Variants in RGS6 observed in about 807,000 individuals in gnomAD.
The protein encoded by RGS6 is regulator of G protein signaling 6.
A neutral mutation model predicts 78.5 loss-of-function variants in RGS6; 30 were observed. The observed-to-expected ratio is 0.38, with a 90% CI of 0.29 to 0.52. The LOEUF (loss-of-function observed/expected upper bound fraction) is 0.52. RGS6 is among the 20% of genes least tolerant of loss of function. RGS6 has a pLI of 0.85. For synonymous variants in RGS6, 206 were observed against 206.0 expected (o/e 1.00, Z 0.00); for missense variants, 495 against 609.7 (o/e 0.81, Z 1.98).
intron 2 of RGS6, among the ~76,000 whole-genome samples, chr14:72,320,035 G>A (rs942753386): frequency 1.4e-4 from 22 of 152,004 alleles, no homozygotes; most frequent in African/African-American, 5.3e-4. Flanking sequence ...GAATGATTTG[G>A]TCACACCAGC....
chr14:72,142,227 A>G (rs1448412789), intron 2 of RGS6, among the ~76,000 whole-genome samples: 1 of 152,136 alleles, frequency 6.6e-6, no homozygotes, highest in African/African-American at 2.4e-5. Flanking sequence ...ACTGTAATTA[A>G]TGGGCACACC....
chr14:72,488,064 C>G (rs2239276), intron 12 of RGS6, among the ~76,000 whole-genome samples: 22,085 of 152,210 alleles, frequency 0.15, 1,670 homozygotes, highest in Admixed American at 0.19. Context: ...GTATGCCCAT[C>G]TAATTTTACT....
At chr14:72,499,797 G>T (rs2096697571) in intron 13 of RGS6, among the ~76,000 whole-genome samples, 1 of 152,014 alleles carries the variant, frequency 6.6e-6, no homozygotes, top group Admixed American at 6.6e-5. Flanking sequence ...CAGCACTGGT[G>T]TCCCTTCCTC....
At chr14:72,083,486 C>A (rs117523334) in intron 2 of RGS6, among the ~76,000 whole-genome samples, 1 of 152,196 alleles carries the variant, frequency 6.6e-6, no homozygotes, top group East Asian at 1.9e-4. Flanking sequence ...TCTCACCCTT[C>A]AGGGCCAAGG....
At position 72,267,032 on chromosome 14, in the gene RGS6, T is replaced by C. The variant is rs190430951; in HGVS notation, c.85-85063T>C. ...TTTGTTTGTTTGTGAGGCAGAGTCT[T>C]GCTCTGTTGCCCAGGCTGGAATGCA... On this transcript the variant is annotated intron_variant, in intron 2 of 17. Transcript: ENST00000553525. Among the ~76,000 whole-genome samples the C allele has an allele frequency of 3.0e-3, 464 of 152,306 alleles. 1 individual carries two copies. Among genetic ancestry groups the C allele is most frequent in the African/African-American group, 0.011 (448 of 41,564 alleles).
chr14:72,111,083 C>T (rs2095751050), intron 2 of RGS6, among the ~76,000 whole-genome samples: 1 of 152,174 alleles, frequency 6.6e-6, no homozygotes, highest in Admixed American at 6.5e-5. Flanking sequence ...CCGTTCTTTT[C>T]CTGACCACCT....
chr14:72,574,662 T>C, the RGS6 span, among the ~76,000 whole-genome samples: 1 of 152,138 alleles, frequency 6.6e-6, no homozygotes, highest in Non-Finnish European at 1.5e-5. Flanking sequence ...GTAACCAACC[T>C]ACTGTGATGC....
chr14:72,537,539 G>C, intron 16 of RGS6: 1 of 702,390 alleles, frequency 1.4e-6, no homozygotes, highest in Non-Finnish European at 2.6e-6. Context: ...GTGATGGGCA[G>C]TGTGGAGCCT....
chr14:71,954,988 A>G (rs2092675580), intron 1 of RGS6, among the ~76,000 whole-genome samples: 1 of 152,110 alleles, frequency 6.6e-6, no homozygotes, highest in Admixed American at 6.6e-5. Context: ...TTTTTGTTGA[A>G]AGCCAGACAT....
intron 2 of RGS6, among the ~76,000 whole-genome samples, chr14:72,212,104 G>C (rs1264028621): frequency 6.6e-6 from 1 of 152,158 alleles, no homozygotes; most frequent in African/African-American, 2.4e-5. Context: ...ATGTTGGTGT[G>C]CCTGAGAAAG....
intron 2 of RGS6, among the ~76,000 whole-genome samples, chr14:72,092,468 G>A (rs562178127): frequency 8.4e-4 from 127 of 151,972 alleles, no homozygotes; most frequent in African/African-American, 2.9e-3. Context: ...TGCAACCTCC[G>A]CCTCCCGGGT....
chr14:72,535,272 C>G (rs2097234501), intron 15 of RGS6, among the ~76,000 whole-genome samples: 1 of 152,184 alleles, frequency 6.6e-6, no homozygotes, highest in African/African-American at 2.4e-5. Context: ...CAGCACCTGC[C>G]CCTCCTGGGT....
chr14:72,512,605 G>C (rs1354541200), intron 14 of RGS6, among the ~76,000 whole-genome samples: 2 of 152,214 alleles, frequency 1.3e-5, no homozygotes, highest in South Asian at 2.1e-4. Flanking sequence ...GGTCACCCCT[G>C]CTCCATGACA....
Position 72,026,040 on chromosome 14 carries a change from G to A in RGS6, c.84+61165G>A, listed in dbSNP as rs145990709. Reference sequence around the variant, plus strand: ...TGAAGTTGAACTTCAGAGAATAGTCGAATAAAAAGTTCCCTCAAACTTAGG... The same window carrying A: ...TGAAGTTGAACTTCAGAGAATAGTCAAATAAAAAGTTCCCTCAAACTTAGG... On this transcript the variant is annotated intron_variant, in intron 2 of 17. Coordinates refer to ENST00000553525, the MANE Select transcript of RGS6 (RefSeq NM_001204424.2). Among the ~76,000 whole-genome samples the A allele has an allele frequency of 3.4e-3, 514 of 152,144 alleles. 4 individuals are homozygous for A. Among genetic ancestry groups the A allele is most frequent in the African/African-American group, 0.012 (485 of 41,510 alleles).
chr14:72,174,186 C>T lies in RGS6; in HGVS notation c.85-177909C>T, dbSNP rs565846040. On this transcript the variant is annotated intron_variant, in intron 2 of 17. Coordinates refer to ENST00000553525, the MANE Select transcript of RGS6 (RefSeq NM_001204424.2). ...TGCAAGGCACGATCTCAGCTCACTGCGACCTCTGCCTCCCAGGTTCAAGCA... is the reference window on the plus strand; with the variant it reads ...TGCAAGGCACGATCTCAGCTCACTGTGACCTCTGCCTCCCAGGTTCAAGCA... 2.2e-4 allele frequency among the ~76,000 whole-genome samples: 33 copies of T among 152,348 alleles called. No individual in the cohort carries two copies. In the South Asian group the frequency reaches 6.4e-3, roughly 30 times the overall value.
At chr14:72,600,455 G>A in the RGS6 span, among the ~76,000 whole-genome samples, 31 of 151,938 alleles carry the variant, frequency 2.0e-4, no homozygotes, top group Non-Finnish European at 3.8e-4. Flanking sequence ...AGGAAGTCAC[G>A]CCCCCTCTCT....
intron 2 of RGS6, among the ~76,000 whole-genome samples, chr14:72,164,911 G>A (rs1201485646): frequency 3.3e-5 from 5 of 152,144 alleles, no homozygotes; most frequent in Admixed American, 6.5e-5. Context: ...TGTGCCTGCC[G>A]TCATTTTTTT....
At chr14:72,302,147 C>T (rs1242841874) in intron 2 of RGS6, among the ~76,000 whole-genome samples, 1 of 152,224 alleles carries the variant, frequency 6.6e-6, no homozygotes, top group Non-Finnish European at 1.5e-5. Context: ...AGAGGTGATA[C>T]TTGCTCTCCT....
At chr14:72,429,293 A>G (rs28668573) in intron 3 of RGS6, among the ~76,000 whole-genome samples, 2,454 of 152,324 alleles carry the variant, frequency 0.016, 64 homozygotes, top group African/African-American at 0.057. Context: ...TCCATCCTGC[A>G]TGGCTAGGTT....
Sources: gnomAD v4.1 joint callset for allele counts (sites outside exome capture counted in the v4.1 genomes callset) on GRCh38, gnomAD v4.1.1 for gene constraint, MANE v1.5 for transcripts, NCBI Gene and HGNC (gene_info 2026-07-23, HGNC 2026-07-21) for gene names.